The following PMM2 variants were observed in gnomAD, a reference collection of about 807,000 sequenced individuals.
The protein encoded by PMM2 is mannose-6-phosphate isomerase.
In PMM2, 35 loss-of-function variants were observed where a neutral mutation model predicts 33.2. The ratio of observed to expected loss-of-function variants is 1.06; its 90% CI spans 0.81 to 1.40. PMM2 has a LOEUF of 1.40. PMM2 is among the 40% of genes most tolerant of loss of function. The pLI is 0.00. For synonymous variants in PMM2, 153 were observed against 114.7 expected (o/e 1.33, Z -2.13); for missense variants, 386 against 306.0 (o/e 1.26, Z -1.95).
chr16:8,811,122 C>G lies in PMM2; in HGVS notation c.391C>G (p.Pro131Ala), dbSNP rs1274547742. 1 of 1,577,798 alleles carries G rather than the reference C, an allele frequency of 6.3e-7. No individual in the cohort carries two copies. The highest frequency in any genetic ancestry group is 2.3e-5 in the East Asian group (1 of 43,650). ...EFRNGMLNVS[P>A]IGRSCSQEER... ...CCGAAATGGGATGTTAAACGTGTCC[C>G]CTATTGGAAGAAGCTGCAGCCAAGA... is the stretch of plus-strand genomic sequence containing the variant. The change falls in exon 5 of 8, where the codon CCT becomes GCT. Residue 131 changes from proline to alanine, a missense_variant. Physicochemically the swap from Pro to Ala is conservative, Grantham distance 27. Coordinates refer to ENST00000268261, the MANE Select transcript of PMM2 (RefSeq NM_000303.3).
chr16:8,830,000 G>T (rs527623754), intron 7 of PMM2, among the ~76,000 whole-genome samples: 1 of 152,140 alleles, frequency 6.6e-6, no homozygotes, highest in Non-Finnish European at 1.5e-5. Flanking sequence ...CCCCATGATG[G>T]GGCTACAGGC....
intron 7 of PMM2, among the ~76,000 whole-genome samples, chr16:8,816,874 A>G (rs1282084442): frequency 6.6e-6 from 1 of 152,240 alleles, no homozygotes; most frequent in Non-Finnish European, 1.5e-5. Context: ...TAGAACTGCC[A>G]TATGATCCAG....
intron 7 of PMM2, among the ~76,000 whole-genome samples, chr16:8,818,944 G>T (rs116238872): frequency 0.012 from 1,806 of 152,246 alleles, 37 homozygotes; most frequent in African/African-American, 0.039. Flanking sequence ...AACCACCCTG[G>T]CTGGATCACC....
chr16:8,811,716 A>T lies in PMM2; in HGVS notation c.523+3A>T, dbSNP rs774107741. The T allele has an allele frequency of 6.3e-7, 1 of 1,589,350 alleles. No individual in the cohort carries two copies. The highest frequency in any genetic ancestry group is 1.3e-5 in the African/African-American group (1 of 74,410). ...AAAAGGCCTCACGTTTTCCATAGGTATTGTATATATTGCCTGTGTTCCAAA... is the reference window on the plus strand; with the variant it reads ...AAAAGGCCTCACGTTTTCCATAGGTTTTGTATATATTGCCTGTGTTCCAAA... On this transcript the variant is annotated splice_donor_region_variant and intron_variant, in intron 6 of 7. Coordinates refer to ENST00000268261, the MANE Select transcript of PMM2 (RefSeq NM_000303.3).
chr16:8,807,413 C>T (rs950890533), intron 4 of PMM2, among the ~76,000 whole-genome samples: 15 of 152,162 alleles, frequency 9.9e-5, no homozygotes, highest in African/African-American at 3.6e-4. Flanking sequence ...TGAGCAGCTG[C>T]CACCTGACTC....
intron 7 of PMM2, among the ~76,000 whole-genome samples, chr16:8,839,996 T>C (rs1025580317): frequency 6.6e-6 from 1 of 150,800 alleles, no homozygotes; most frequent in Non-Finnish European, 1.5e-5. Flanking sequence ...TTCAGGAGGG[T>C]AAAGGTGAGG....
chr16:8,841,946 A>T (rs4985052), intron 7 of PMM2, among the ~76,000 whole-genome samples: 6 of 140,442 alleles, frequency 4.3e-5, no homozygotes, highest in East Asian at 4.2e-4. Flanking sequence ...AGAAATGTAG[A>T]GAGTGAGTTG....
chr16:8,845,474 G>C (rs1367844229), intron 7 of PMM2, among the ~76,000 whole-genome samples: 1 of 152,166 alleles, frequency 6.6e-6, no homozygotes, highest in Non-Finnish European at 1.5e-5. Context: ...GTTCTAGAAA[G>C]GTGTGTTGTG....
chr16:8,846,657 G>A (rs1191016843), intron 7 of PMM2, among the ~76,000 whole-genome samples: 1 of 152,048 alleles, frequency 6.6e-6, no homozygotes, highest in East Asian at 1.9e-4. Flanking sequence ...CCTCGGTTTC[G>A]TCATCTTACC....
chr16:8,811,251 C>A, intron 5 of PMM2, 73 bp downstream of exon 5: 1 of 1,033,276 alleles, frequency 9.7e-7, no homozygotes, highest in Non-Finnish European at 1.5e-6. Flanking sequence ...TGTGGTGGTT[C>A]ATGCCTGTAA....
intron 7 of PMM2, among the ~76,000 whole-genome samples, chr16:8,821,579 A>C (rs1268146184): frequency 6.6e-6 from 1 of 152,174 alleles, no homozygotes; most frequent in Non-Finnish European, 1.5e-5. Flanking sequence ...TCCTGTGGGC[A>C]TTCCAGGCCC....
intron 7 of PMM2, among the ~76,000 whole-genome samples, chr16:8,829,411 G>A (rs143200928): frequency 0.016 from 2,389 of 152,282 alleles, 41 homozygotes; most frequent in Middle Eastern, 0.027. Context: ...AAAACCATCC[G>A]TTTCTGTTTT....
At chr16:8,838,646 T>A (rs542544811) in intron 7 of PMM2, among the ~76,000 whole-genome samples, 8 of 151,962 alleles carry the variant, frequency 5.3e-5, no homozygotes, top group Non-Finnish European at 1.0e-4. Context: ...GGTGATGGTC[T>A]GGATACAGTT....
At chr16:8,844,730 C>A (rs1488504553) in intron 7 of PMM2, among the ~76,000 whole-genome samples, 3 of 152,118 alleles carry the variant, frequency 2.0e-5, no homozygotes, top group Admixed American at 2.0e-4. Context: ...TTTTTGGGTC[C>A]ACAGATAAAA....
intron 1 of PMM2, among the ~76,000 whole-genome samples, chr16:8,800,672 T>G (rs969726701): frequency 1.4e-5 from 2 of 139,248 alleles, no homozygotes; most frequent in Non-Finnish European, 3.0e-5. Flanking sequence ...CTCCTTTTTT[T>G]TTTTTTTTTG....
At chr16:8,803,140 G>A (rs570785319) in intron 2 of PMM2, among the ~76,000 whole-genome samples, 7 of 152,156 alleles carry the variant, frequency 4.6e-5, no homozygotes, top group African/African-American at 9.6e-5. Context: ...AATTACCCCC[G>A]TTTGAGAACT....
chr16:8,848,223 G>C lies in PMM2; in HGVS notation c.*398G>C, dbSNP rs2060941887. On this transcript the variant is annotated 3_prime_UTR_variant, in exon 8 of 8. Coordinates refer to ENST00000268261, the MANE Select transcript of PMM2 (RefSeq NM_000303.3). ...GAAACATAAGCGGTTTTTTTAATGG[G>C]CCCCTGCATCAATACCAAACATGGG... 4.3e-6 allele frequency: 1 copy of C among 233,510 alleles called. No individual in the cohort carries two copies. 14.5% of individuals were successfully genotyped at this position (233,510 alleles called of 1,614,324 possible).
In PMM2 at chr16:8,848,694, C is replaced by A. The variant is rs1280087355; in HGVS notation, c.*869C>A. On this transcript the variant is annotated 3_prime_UTR_variant, in exon 8 of 8. Coordinates refer to ENST00000268261, the MANE Select transcript of PMM2 (RefSeq NM_000303.3). The stretch of plus-strand genomic sequence containing the variant: ...CTTCACCAAAAGGACTTTCTGGTTG[C>A]CCCTGGCTGGCTTCCTGGAGGCGTT... The A allele has an allele frequency of 6.6e-6, 1 of 152,274 alleles. No individual in the cohort carries two copies. Among genetic ancestry groups the A allele is most frequent in the African/African-American group, 2.4e-5 (1 of 41,456 alleles). 9.4% of individuals were successfully genotyped at this position (152,274 alleles called of 1,614,324 possible). A position where few individuals can be genotyped will look rare whatever the true frequency, so the allele number is the denominator to read the frequency against.
chr16:8,801,717 T>C (rs919957147), intron 1 of PMM2, 82 bp from the exon 2 acceptor site: 10 of 869,614 alleles, frequency 1.1e-5, no homozygotes, highest in African/African-American at 1.0e-4. Context: ...ATAAGACTTA[T>C]GTACTTGTGT....
Sources: gnomAD v4.1 joint callset for allele counts (sites outside exome capture counted in the v4.1 genomes callset) on GRCh38, gnomAD v4.1.1 for gene constraint, MANE v1.5 for transcripts, NCBI Gene and HGNC (gene_info 2026-07-23, HGNC 2026-07-21) for gene names.